ALG6: variants seen among roughly 807,000 people sequenced by gnomAD.
ALG6 encodes the protein dolichyl pyrophosphate Man9GlcNAc2 alpha-1,3-glucosyltransferase.
In ALG6, 46 loss-of-function variants were observed where a neutral mutation model predicts 66.6. That is an observed-to-expected ratio of 0.69 (90% CI 0.55 to 0.88). The LOEUF is 0.88. Ranked by LOEUF, ALG6 falls within the 40% of genes least tolerant of loss-of-function variation. The pLI, the probability that ALG6 is intolerant of heterozygous loss-of-function variation, is 0.00. For synonymous variants in ALG6, 185 were observed against 203.7 expected, an observed-to-expected ratio of 0.91 and a Z score of 0.78; for missense variants, 505 against 586.8, an observed-to-expected ratio of 0.86 and a Z score of 1.44.
At position 63,438,170 on chromosome 1, in the gene ALG6, C is replaced by T. The variant is rs1307258498; in HGVS notation, c.*1150C>T. ...GGTTCTAGACACGGACAGTCACAGG[C>T]TGATATAAGAAGGTATGTGTTTCTA... On this transcript the variant is annotated 3_prime_UTR_variant, in exon 15 of 15. Transcript: ENST00000263440. 1 of 142,444 alleles carries T rather than the reference C, an allele frequency of 7.0e-6. No homozygotes were observed. Among genetic ancestry groups the T allele is most frequent in the African/African-American group, 2.8e-5 (1 of 35,720 alleles). The allele number at this position is 142,444 out of a possible 1,614,324, so 8.8% of individuals were successfully genotyped here. A position where few individuals can be genotyped will look rare whatever the true frequency, so the allele number is the denominator to read the frequency against.
chr1:63,375,062 A>T (rs946249921), intron 2 of ALG6, among the ~76,000 whole-genome samples: 14 of 151,984 alleles, frequency 9.2e-5, no homozygotes, highest in African/African-American at 3.1e-4. Flanking sequence ...AAAATTAGGC[A>T]TGATGGCACA....
intron 2 of ALG6, among the ~76,000 whole-genome samples, chr1:63,383,073 A>G (rs1648382326): frequency 6.6e-6 from 1 of 152,016 alleles, no homozygotes; most frequent in African/African-American, 2.4e-5. Context: ...TTGGCCTCCC[A>G]AAGTGCAGGG....
At chr1:63,423,698 T>G (rs1453216443) in intron 12 of ALG6, among the ~76,000 whole-genome samples, 1 of 152,240 alleles carries the variant, frequency 6.6e-6, no homozygotes, top group Non-Finnish European at 1.5e-5. Context: ...CTGAATAGTA[T>G]TGCATTGTAT....
intron 5 of ALG6, among the ~76,000 whole-genome samples, chr1:63,404,890 G>T (rs1185982086): frequency 6.6e-6 from 1 of 151,832 alleles, no homozygotes; most frequent in African/African-American, 2.4e-5. Context: ...AGTTTTTTAG[G>T]GTGCTGCTTT....
chr1:63,374,512 C>T (rs1557578605), intron 2 of ALG6, among the ~76,000 whole-genome samples: 1 of 151,934 alleles, frequency 6.6e-6, no homozygotes, highest in African/African-American at 2.4e-5. Context: ...CCTGTAGTCC[C>T]AGCTATTCCG....
intron 12 of ALG6, among the ~76,000 whole-genome samples, chr1:63,421,731 G>C (rs866123495): frequency 1.3e-5 from 2 of 152,058 alleles, no homozygotes; most frequent in Admixed American, 6.6e-5. Flanking sequence ...CAGGGACACA[G>C]ATGCAGCTGG....
At chr1:63,430,669 G>A (rs1025859701) in intron 14 of ALG6, among the ~76,000 whole-genome samples, 1 of 152,110 alleles carries the variant, frequency 6.6e-6, no homozygotes, top group Admixed American at 6.5e-5. Context: ...CTTTTCATGT[G>A]CTTATCGGCC....
intron 12 of ALG6, among the ~76,000 whole-genome samples, chr1:63,423,238 G>A (rs923186577): frequency 3.3e-5 from 5 of 152,074 alleles, no homozygotes; most frequent in African/African-American, 1.2e-4. Context: ...TGGCCAGGCT[G>A]GTCTCGAATT....
chr1:63,402,435 AG>A, intron 4 of ALG6, 92 bp downstream of exon 4: 1 of 637,404 alleles, frequency 1.6e-6, no homozygotes, highest in South Asian at 1.6e-5. Context: ...TGACTAGAGG[AG>A]AGATTGCTTG....
intron 2 of ALG6, among the ~76,000 whole-genome samples, chr1:63,375,117 C>T (rs1339700024): frequency 6.6e-6 from 1 of 152,056 alleles, no homozygotes; most frequent in Admixed American, 6.5e-5. Flanking sequence ...GGGTGGATTG[C>T]TTGAACCCGG....
chr1:63,385,580 C>T (rs1190997469), intron 2 of ALG6, among the ~76,000 whole-genome samples: 1 of 152,070 alleles, frequency 6.6e-6, no homozygotes, highest in Non-Finnish European at 1.5e-5. Context: ...TTATTTGTGG[C>T]TATTGTAAAT....
chr1:63,427,395 T>C (rs1644621370), intron 12 of ALG6, among the ~76,000 whole-genome samples: 1 of 152,090 alleles, frequency 6.6e-6, no homozygotes, highest in Non-Finnish European at 1.5e-5. Flanking sequence ...AAAGTCATCC[T>C]TCTGGGAAAG....
chr1:63,405,689 G>A (rs1027858817), intron 5 of ALG6, among the ~76,000 whole-genome samples: 2 of 151,988 alleles, frequency 1.3e-5, no homozygotes, highest in African/African-American at 4.8e-5. Context: ...ATAGTTTACT[G>A]TCACCTTTTT....
chr1:63,371,833 G>A (rs553461250), intron 2 of ALG6, among the ~76,000 whole-genome samples: 206 of 152,114 alleles, frequency 1.4e-3, no homozygotes, highest in South Asian at 4.8e-3. Context: ...TCGAACTCCT[G>A]ACCTCGTGAT....
chr1:63,385,324 T>A (rs1360244700), intron 2 of ALG6, among the ~76,000 whole-genome samples: 2 of 151,004 alleles, frequency 1.3e-5, no homozygotes, highest in Non-Finnish European at 1.5e-5. Context: ...CTCAGTCTCC[T>A]GAGTAGCTGG....
intron 12 of ALG6, among the ~76,000 whole-genome samples, chr1:63,425,628 C>G (rs1570087077): frequency 6.6e-6 from 1 of 152,252 alleles, no homozygotes; most frequent in South Asian, 2.1e-4. Flanking sequence ...ATATCATGAT[C>G]ATGTATTTAA....
At position 63,379,882 on chromosome 1, in the gene ALG6, C is replaced by T. The variant is rs182857077; in HGVS notation, c.82+8823C>T. On this transcript the variant is annotated intron_variant, in intron 2 of 14. Coordinates refer to ENST00000263440, the MANE Select transcript of ALG6 (RefSeq NM_013339.4). Reference sequence around the variant, plus strand: ...CTTTGTCTGGCATATTGCTGGAAACCGAAGTGCCATCTATATTTTTAAAAG... The same window carrying T: ...CTTTGTCTGGCATATTGCTGGAAACTGAAGTGCCATCTATATTTTTAAAAG... 7.3e-5 allele frequency among the ~76,000 whole-genome samples: 11 copies of T among 151,308 alleles called. No individual in the cohort carries two copies. In the South Asian group the frequency reaches 1.0e-3, roughly 14 times the overall value.
chr1:63,385,608 T>G (rs1648480463), intron 2 of ALG6, among the ~76,000 whole-genome samples: 1 of 152,250 alleles, frequency 6.6e-6, no homozygotes, highest in Admixed American at 6.5e-5. Context: ...TTCAAATTTC[T>G]TTTTCAAATT....
chr1:63,393,293 A>T (rs1240529530), intron 2 of ALG6, among the ~76,000 whole-genome samples: 3 of 152,228 alleles, frequency 2.0e-5, no homozygotes, highest in Non-Finnish European at 4.4e-5. Context: ...TCTTAAAAAA[A>T]TTTTTATTAT....
Sources: allele counts gnomAD v4.1 joint callset (sites outside exome capture counted in the v4.1 genomes callset), GRCh38; gene constraint gnomAD v4.1.1; transcripts MANE v1.5; gene names NCBI Gene and HGNC (gene_info 2026-07-23, HGNC 2026-07-21).